The following COL11A1 variants were observed in gnomAD, a reference collection of about 807,000 sequenced individuals.
The protein encoded by COL11A1 is collagen alpha-1(XI) chain.
In COL11A1, 74 loss-of-function variants were observed where a neutral mutation model predicts 265.2. The ratio of observed to expected loss-of-function variants is 0.28; its 90% confidence interval spans 0.23 to 0.34. The LOEUF (loss-of-function observed/expected upper bound fraction) is 0.34. Among genes scored for constraint, COL11A1 ranks in the 10% least tolerant of loss-of-function variants. The pLI, the probability that COL11A1 is intolerant of heterozygous loss-of-function variation, is 1.00. For missense variants in COL11A1, 2,165 were observed against 2,263.6 expected, an observed-to-expected ratio of 0.96 and a Z score of 0.88; for synonymous variants, 816 against 727.6, an observed-to-expected ratio of 1.12 and a Z score of -1.96.
chr1:103,065,896 T>C (rs1301397298), intron 4 of COL11A1, among the ~76,000 whole-genome samples: 1 of 151,418 alleles, frequency 6.6e-6, no homozygotes, highest in Non-Finnish European at 1.5e-5. Flanking sequence ...AAAAAAAAAA[T>C]CTTAATAGCA....
chr1:102,893,975 A>G (rs1308530553), intron 57 of COL11A1, among the ~76,000 whole-genome samples: 3 of 152,184 alleles, frequency 2.0e-5, no homozygotes, highest in Non-Finnish European at 4.4e-5. Context: ...ATTTTATTTA[A>G]CATTTTGTTA....
At chr1:102,965,260 T>G (rs921064136) in intron 38 of COL11A1, among the ~76,000 whole-genome samples, 1 of 152,230 alleles carries the variant, frequency 6.6e-6, no homozygotes, top group African/African-American at 2.4e-5. Flanking sequence ...TTCATTTATT[T>G]TATTCTTCTC....
chr1:102,949,445 T>A (rs1475098544), intron 41 of COL11A1, among the ~76,000 whole-genome samples: 1 of 150,184 alleles, frequency 6.7e-6, no homozygotes, highest in Non-Finnish European at 1.5e-5. Flanking sequence ...GTTTAAACCC[T>A]AACTGTTCAA....
At chr1:103,019,490 T>C (rs1666823538) in intron 9 of COL11A1, among the ~76,000 whole-genome samples, 1 of 152,158 alleles carries the variant, frequency 6.6e-6, no homozygotes, top group South Asian at 2.1e-4. Context: ...TGATTCATTC[T>C]GAAAAAAATA....
chr1:103,062,731 A>G (rs967721362), intron 4 of COL11A1, among the ~76,000 whole-genome samples: 4 of 152,000 alleles, frequency 2.6e-5, no homozygotes, highest in African/African-American at 9.6e-5. Flanking sequence ...TTTCTACATC[A>G]TACTGGGAGT....
At chr1:102,986,071 T>C (rs927501397) in intron 30 of COL11A1, among the ~76,000 whole-genome samples, 2 of 152,118 alleles carry the variant, frequency 1.3e-5, no homozygotes, top group African/African-American at 4.8e-5. Context: ...TATATTTTCT[T>C]TCTGAGATAG....
intron 4 of COL11A1, among the ~76,000 whole-genome samples, chr1:103,068,291 C>T (rs1342233654): frequency 6.6e-6 from 1 of 151,462 alleles, no homozygotes; most frequent in Admixed American, 6.6e-5. Flanking sequence ...AAAGTTATTT[C>T]TAAATATTTG....
intron 4 of COL11A1, among the ~76,000 whole-genome samples, chr1:103,046,431 T>C (rs1410852036): frequency 2.0e-5 from 3 of 151,836 alleles, no homozygotes; most frequent in Admixed American, 6.6e-5. Context: ...TCATATCCTT[T>C]GCCCACTTTT....
intron 44 of COL11A1, among the ~76,000 whole-genome samples, chr1:102,935,950 T>C (rs1180922832): frequency 6.6e-6 from 1 of 152,170 alleles, no homozygotes; most frequent in Non-Finnish European, 1.5e-5. Flanking sequence ...TTTGCACTAA[T>C]GATGTAAAAT....
intron 37 of COL11A1, 37 bp from the exon 38 acceptor site, chr1:102,965,577 C>CA (rs1453719228): frequency 6.4e-7 from 1 of 1,557,196 alleles, no homozygotes; most frequent in Non-Finnish European, 8.9e-7. Flanking sequence ...AAGCTACATA[C>CA]AACACAAAGC....
At chr1:103,054,234 A>G (rs1186215188) in intron 4 of COL11A1, among the ~76,000 whole-genome samples, 1 of 152,228 alleles carries the variant, frequency 6.6e-6, no homozygotes, top group Non-Finnish European at 1.5e-5. Context: ...CATGAAACAG[A>G]TTCCAGACAA....
At chr1:103,048,158 G>A (rs1242051651) in intron 4 of COL11A1, among the ~76,000 whole-genome samples, 1 of 152,114 alleles carries the variant, frequency 6.6e-6, no homozygotes, top group African/African-American at 2.4e-5. Context: ...CTATTGATTG[G>A]AATAGTTTCA....
At chr1:102,999,518 G>A (rs971439627) in intron 24 of COL11A1, among the ~76,000 whole-genome samples, 1 of 151,578 alleles carries the variant, frequency 6.6e-6, no homozygotes, top group East Asian at 1.9e-4. Flanking sequence ...TTAAATCACA[G>A]GAAATATTTA....
chr1:102,954,700 C>T (rs1258765702), intron 41 of COL11A1, among the ~76,000 whole-genome samples: 1 of 151,982 alleles, frequency 6.6e-6, no homozygotes, highest in Non-Finnish European at 1.5e-5. Flanking sequence ...CAAAAATTAT[C>T]CGGGTTGGTG....
At chr1:102,886,491 C>T (rs1650994271) in intron 63 of COL11A1, among the ~76,000 whole-genome samples, 1 of 152,030 alleles carries the variant, frequency 6.6e-6, no homozygotes, top group African/African-American at 2.4e-5. Context: ...AATCATATTA[C>T]AATATACACA....
At chr1:103,044,548 A>C (rs760257048) in intron 4 of COL11A1, among the ~76,000 whole-genome samples, 2 of 152,106 alleles carry the variant, frequency 1.3e-5, no homozygotes, top group Non-Finnish European at 2.9e-5. Flanking sequence ...CTAGGTTATC[A>C]ATGTTAAACA....
At chr1:102,919,673 T>C (rs1296658905) in intron 49 of COL11A1, among the ~76,000 whole-genome samples, 1 of 151,978 alleles carries the variant, frequency 6.6e-6, no homozygotes, top group Non-Finnish European at 1.5e-5. Context: ...AAGAAATCAA[T>C]GAATCATTTT....
At chr1:102,984,864 G>T (rs1174707575) in intron 30 of COL11A1, among the ~76,000 whole-genome samples, 1 of 151,872 alleles carries the variant, frequency 6.6e-6, no homozygotes, top group Non-Finnish European at 1.5e-5. Context: ...ATACTATTTT[G>T]TTCCAGTGCA....
At chr1:103,107,371 A>G (rs4338381) in intron 1 of COL11A1, among the ~76,000 whole-genome samples, 52,546 of 150,644 alleles carry the variant, frequency 0.35, 9,361 homozygotes, top group Non-Finnish European at 0.37. Flanking sequence ...TCCAACCTGC[A>G]AGAAGAAGCG....
Sources: gnomAD v4.1 joint callset for allele counts (sites outside exome capture counted in the v4.1 genomes callset) on GRCh38, gnomAD v4.1.1 for gene constraint, MANE v1.5 for transcripts, NCBI Gene and HGNC (gene_info 2026-07-23, HGNC 2026-07-21) for gene names.